Variants in RNF220 observed in about 807,000 individuals in gnomAD.
The protein encoded by RNF220 is E3 ubiquitin-protein ligase RNF220.
Under a neutral mutation model 67.1 loss-of-function variants are expected in RNF220, and 7 were observed. The observed-to-expected ratio is 0.10, with a 90% confidence interval of 0.06 to 0.20. The LOEUF (loss-of-function observed/expected upper bound fraction) is 0.20. Ranked by LOEUF, RNF220 falls within the 10% of genes least tolerant of loss-of-function variation. The pLI, the probability that RNF220 is intolerant of heterozygous loss-of-function variation, is 1.00. For missense variants in RNF220, 565 were observed against 740.3 expected (o/e 0.76, Z 2.75); for synonymous variants, 270 against 283.2 (o/e 0.95, Z 0.47).
chr1:44,488,137 A>ATTT (rs34017881), intron 2 of RNF220, among the ~76,000 whole-genome samples: 10 of 137,348 alleles, frequency 7.3e-5, no homozygotes, highest in African/African-American at 2.2e-4. Context: ...TGCCTTGCTG[A>ATTT]TTTTTTTTTT....
intron 2 of RNF220, among the ~76,000 whole-genome samples, chr1:44,471,190 C>G (rs943026512): frequency 3.9e-5 from 6 of 152,136 alleles, no homozygotes; most frequent in African/African-American, 1.4e-4. Context: ...CTTTGGGAGT[C>G]CGAGGCTGGT....
chr1:44,583,109 G>A (rs1665431797), intron 2 of RNF220, among the ~76,000 whole-genome samples: 3 of 152,054 alleles, frequency 2.0e-5, no homozygotes, highest in Admixed American at 2.0e-4. Flanking sequence ...TGGCAAAAAG[G>A]GAACGCTTGT....
chr1:44,551,953 C>T (rs1488292267), intron 2 of RNF220, among the ~76,000 whole-genome samples: 1 of 152,174 alleles, frequency 6.6e-6, no homozygotes, highest in Non-Finnish European at 1.5e-5. Flanking sequence ...GGTTGGCAGC[C>T]ACCTCCTCTG....
chr1:44,507,836 G>A (rs1420989239), intron 2 of RNF220, among the ~76,000 whole-genome samples: 2 of 152,160 alleles, frequency 1.3e-5, no homozygotes, highest in Non-Finnish European at 2.9e-5. Context: ...AGGGAACCAA[G>A]GGCTCAGAAT....
chr1:44,650,335 T>C lies in RNF220; in HGVS notation c.1630-369T>C. ...CTCCTTCTGCTCCTGCCCCTGTTCT[T>C]CGCTCAGGAGCAGCCATTAAAATGT... On this transcript the variant is annotated intron_variant, in intron 14 of 14. Coordinates refer to ENST00000361799, the MANE Select transcript of RNF220 (RefSeq NM_018150.4). This position sits in a 1 kb window ranked among gnomAD's most constrained non-coding sequence, Gnocchi z 4.3. The C allele has an allele frequency of 2.1e-6, 1 of 474,120 alleles. No homozygotes were observed. The highest frequency in any genetic ancestry group is 1.9e-5 in the African/African-American group (1 of 51,562). The allele number at this position is 474,120 out of a possible 1,614,324, so 29.4% of individuals were successfully genotyped here.
At chr1:44,572,505 C>T (rs1014586153) in intron 2 of RNF220, among the ~76,000 whole-genome samples, 2 of 152,366 alleles carry the variant, frequency 1.3e-5, no homozygotes, top group East Asian at 3.9e-4. Flanking sequence ...GCCCCTCTTT[C>T]ATAATTAAAG....
intron 2 of RNF220, among the ~76,000 whole-genome samples, chr1:44,513,807 C>T (rs184525090): frequency 1.3e-5 from 2 of 152,128 alleles, no homozygotes; most frequent in Non-Finnish European, 2.9e-5. Context: ...TGTCTGTGTG[C>T]GTGTGTGCAC....
intron 2 of RNF220, among the ~76,000 whole-genome samples, chr1:44,557,296 G>A (rs1349061446): frequency 2.0e-5 from 3 of 150,896 alleles, no homozygotes; most frequent in Non-Finnish European, 1.5e-5. Context: ...TGAGATGGGA[G>A]CATCGATTGA....
chr1:44,641,639 T>A (rs1444695248), intron 8 of RNF220, among the ~76,000 whole-genome samples: 1 of 152,256 alleles, frequency 6.6e-6, no homozygotes, highest in Non-Finnish European at 1.5e-5. Context: ...TTCTTTTTAT[T>A]ATGATTCTGC....
intron 2 of RNF220, among the ~76,000 whole-genome samples, chr1:44,563,790 C>T (rs928295918): frequency 5.3e-5 from 8 of 152,284 alleles, no homozygotes; most frequent in East Asian, 1.9e-4. Context: ...GACTTACGTC[C>T]GTGTTCTTCT....
chr1:44,649,522 A>T lies in RNF220; in HGVS notation c.1446-139A>T. 1 of 732,908 alleles carries T rather than the reference A, an allele frequency of 1.4e-6. No homozygotes were observed. Among genetic ancestry groups the T allele is most frequent in the Non-Finnish European group, 2.3e-6 (1 of 426,648 alleles). 45.4% of individuals were successfully genotyped at this position (732,908 alleles called of 1,614,324 possible). ...TCTGGAATGTGGAATTTGCAGATTC[A>T]GGTTATCAGAGAAAGGGGGCAGGCA... On this transcript the variant is annotated intron_variant, in intron 12 of 14. Transcript: ENST00000361799. The surrounding 1 kb of genome is among the most constrained non-coding windows in gnomAD (Gnocchi z 5.9).
At position 44,636,115 on chromosome 1, in the gene RNF220, G is replaced by T. The variant is rs1038817878; in HGVS notation, c.1079G>T (p.Gly360Val). The T allele has an allele frequency of 1.2e-6, 2 of 1,613,434 alleles. No homozygotes were observed. Among genetic ancestry groups the T allele is most frequent in the African/African-American group, 1.3e-5 (1 of 74,920 alleles). ...NNRFEEYEWC[G>V]QKRIRATTLL... ...CGCTTTGAGGAGTATGAGTGGTGTGGACAGAAGCGGATACGGGCCACCACT... is the reference window on the plus strand; with the variant it reads ...CGCTTTGAGGAGTATGAGTGGTGTGTACAGAAGCGGATACGGGCCACCACT... Residue 360 changes from glycine to valine, a missense_variant, in exon 8 of 15, where the codon GGA (glycine) becomes GTA (valine). Physicochemically the swap from Gly to Val is moderately radical, Grantham distance 109. Coordinates refer to ENST00000361799, the MANE Select transcript of RNF220 (RefSeq NM_018150.4).
intron 2 of RNF220, among the ~76,000 whole-genome samples, chr1:44,521,760 A>T (rs1046427138): frequency 6.6e-6 from 1 of 152,168 alleles, no homozygotes; most frequent in African/African-American, 2.4e-5. Context: ...CAAGGCCCCC[A>T]CTAGACTGTA....
chr1:44,637,255 C>G (rs770719786), intron 8 of RNF220, among the ~76,000 whole-genome samples: 3 of 152,216 alleles, frequency 2.0e-5, no homozygotes, highest in African/African-American at 7.2e-5. Flanking sequence ...AGACATTATG[C>G]CTCTGGGCGT....
At position 44,650,348 on chromosome 1, in the gene RNF220, G is replaced by A. The variant is rs1644758608; in HGVS notation, c.1630-356G>A. ...TGCCCCTGTTCTTCGCTCAGGAGCA[G>A]CCATTAAAATGTCGCCCGGAGACAG... On this transcript the variant is annotated intron_variant, in intron 14 of 14. Coordinates refer to ENST00000361799, the MANE Select transcript of RNF220 (RefSeq NM_018150.4). The surrounding 1 kb of genome is among the most constrained non-coding windows in gnomAD (Gnocchi z 4.3). 2 of 473,652 alleles carry A rather than the reference G, an allele frequency of 4.2e-6. No homozygotes were observed. The highest frequency in any genetic ancestry group is 7.7e-6 in the Non-Finnish European group (2 of 259,732). 29.3% of individuals were successfully genotyped at this position (473,652 alleles called of 1,614,324 possible).
At chr1:44,449,351 T>C (rs1652430435) in intron 2 of RNF220, among the ~76,000 whole-genome samples, 1 of 152,222 alleles carries the variant, frequency 6.6e-6, no homozygotes, top group Non-Finnish European at 1.5e-5. Flanking sequence ...TCCTGTCTGG[T>C]AATGATACCA....
At chr1:44,619,711 G>A (rs546095571) in intron 3 of RNF220, among the ~76,000 whole-genome samples, 1 of 152,194 alleles carries the variant, frequency 6.6e-6, no homozygotes, top group Non-Finnish European at 1.5e-5. Flanking sequence ...GTGGAAATAG[G>A]GAGGGATGAA....
At chr1:44,616,851 A>AG (rs1643572563) in intron 3 of RNF220, among the ~76,000 whole-genome samples, 1 of 152,108 alleles carries the variant, frequency 6.6e-6, no homozygotes, top group Non-Finnish European at 1.5e-5. Context: ...CTCCTCGGTG[A>AG]GGGCCACACT....
intron 2 of RNF220, among the ~76,000 whole-genome samples, chr1:44,460,569 A>ATCATTGAGGGT (rs1326797660): frequency 6.6e-6 from 1 of 152,192 alleles, no homozygotes; most frequent in East Asian, 1.9e-4. Flanking sequence ...GAGTTCTTCG[A>ATCATTGAGGGT]TCATTGAGGG....
Sources: allele counts gnomAD v4.1 joint callset (sites outside exome capture counted in the v4.1 genomes callset), GRCh38; gene constraint gnomAD v4.1.1; non-coding constraint Gnocchi (gnomAD v3.1); transcripts MANE v1.5; gene names NCBI Gene and HGNC (gene_info 2026-07-23, HGNC 2026-07-21).